Variants in TMEM248 observed in about 807,000 individuals in gnomAD.
The protein encoded by TMEM248 is transmembrane protein 248.
Under a neutral mutation model 30.3 loss-of-function variants are expected in TMEM248, and 9 were observed. That is an observed-to-expected ratio of 0.30 (90% CI 0.18 to 0.52). The LOEUF (loss-of-function observed/expected upper bound fraction) is 0.52, where lower values mean the gene tolerates loss of function less well. TMEM248 is among the 20% of genes least tolerant of loss of function. The probability of loss-of-function intolerance (pLI) is 0.97; values close to 1 mark genes in which losing one functional copy is unlikely to be tolerated. For synonymous variants in TMEM248, 184 were observed against 154.4 expected (o/e 1.19, Z -1.42); for missense variants, 338 against 403.3 (o/e 0.84, Z 1.39).
intron 1 of TMEM248, 141 bp from the exon 2 acceptor site, chr7:66,941,707 T>C: frequency 1.5e-6 from 1 of 655,170 alleles, no homozygotes; most frequent in Middle Eastern, 3.6e-4. Flanking sequence ...TTGAATGAAG[T>C]TATGATCCGA....
At chr7:66,944,084 C>G (rs58621969) in intron 2 of TMEM248, among the ~76,000 whole-genome samples, 5 of 148,966 alleles carry the variant, frequency 3.4e-5, no homozygotes, top group African/African-American at 9.9e-5. Flanking sequence ...CGTGAACTAC[C>G]GTACCTGGCC....
rs992718651 is a variant in TMEM248, at chr7:66,945,171, A to G, written c.355A>G (p.Thr119Ala). ...PVNISVSITLTLDPLKPFGGY... is the reference protein window; with the variant it reads ...PVNISVSITLALDPLKPFGGY... ...GAATATCTCAGTCTCAATCACCCTA[A>G]CCCTGGACCCACTGAAACCCTTCGG... Residue 119 changes from threonine (T) to alanine (A), a missense_variant, in exon 3 of 7, where the codon ACC (threonine) becomes GCC (alanine). By Grantham distance (58) the Thr-to-Ala change is moderately conservative. Coordinates refer to ENST00000341567, the MANE Select transcript of TMEM248 (RefSeq NM_017994.5). 6.2e-7 allele frequency: 1 copy of G among 1,613,966 alleles called. No homozygotes were observed. Among genetic ancestry groups the G allele is most frequent in the Non-Finnish European group, 8.5e-7 (1 of 1,179,996 alleles).
chr7:66,928,560 T>G (rs1791582660), intron 1 of TMEM248, among the ~76,000 whole-genome samples: 2 of 152,180 alleles, frequency 1.3e-5, no homozygotes, highest in South Asian at 2.1e-4. Context: ...TTAAAAAATA[T>G]GTTAAGCGCT....
chr7:66,946,517 C>T (rs549531723), intron 3 of TMEM248, among the ~76,000 whole-genome samples: 1 of 150,622 alleles, frequency 6.6e-6, no homozygotes, highest in African/African-American at 2.4e-5. Context: ...GAGGCGGAGG[C>T]TGCAGTGAGC....
chr7:66,947,437 C>G (rs1351961504), intron 3 of TMEM248, among the ~76,000 whole-genome samples: 1 of 152,096 alleles, frequency 6.6e-6, no homozygotes, highest in Non-Finnish European at 1.5e-5. Context: ...GAGTCTCACT[C>G]TGTCGCCCAG....
At chr7:66,955,418 G>T in intron 6 of TMEM248, 84 bp from the exon 7 acceptor site, 2 of 1,493,480 alleles carry the variant, frequency 1.3e-6, no homozygotes, top group South Asian at 1.1e-5. Context: ...TGTGCAATTA[G>T]TGTGGCATCC....
intron 1 of TMEM248, among the ~76,000 whole-genome samples, chr7:66,934,564 G>A (rs1264874115): frequency 1.3e-5 from 2 of 152,030 alleles, no homozygotes; most frequent in Non-Finnish European, 2.9e-5. Flanking sequence ...AATTAAATTG[G>A]CTTATGTTGA....
At position 66,921,304 on chromosome 7, in the gene TMEM248, C is replaced by T. The variant is rs1242750611; in HGVS notation, c.-176C>T. The T allele has an allele frequency of 6.6e-6, 1 of 151,194 alleles. No individual in the cohort carries two copies. The highest frequency in any genetic ancestry group is 2.4e-5 in the African/African-American group (1 of 41,318). 9.4% of individuals were successfully genotyped at this position (151,194 alleles called of 1,614,324 possible). Reference sequence around the variant, plus strand: ...TGGCGTCTGGTCTTCGCGTCGGCCCCGCGGAGCCAGACGCTGCCCCCGGCG... The same window carrying T: ...TGGCGTCTGGTCTTCGCGTCGGCCCTGCGGAGCCAGACGCTGCCCCCGGCG... On this transcript the variant is annotated 5_prime_UTR_variant, in exon 1 of 7. Coordinates refer to ENST00000341567, the MANE Select transcript of TMEM248 (RefSeq NM_017994.5).
At chr7:66,947,214 C>CAAAAAAAAA (rs565294304) in intron 3 of TMEM248, among the ~76,000 whole-genome samples, 1 of 58,810 alleles carries the variant, frequency 1.7e-5, no homozygotes, top group African/African-American at 7.1e-5. Flanking sequence ...GACCCTGTCT[C>CAAAAAAAAA]AAAAAAAAAA....
intron 2 of TMEM248, 49 bp downstream of exon 2, chr7:66,942,073 G>A (rs777413417): frequency 1.3e-6 from 2 of 1,582,250 alleles, no homozygotes; most frequent in African/African-American, 1.3e-5. Flanking sequence ...TTGTGCAGTG[G>A]GGCAACACCC....
intron 5 of TMEM248, among the ~76,000 whole-genome samples, chr7:66,951,610 G>T (rs953156383): frequency 7.9e-5 from 12 of 151,294 alleles, no homozygotes; most frequent in African/African-American, 2.4e-4. Flanking sequence ...AGAGGCAAGG[G>T]GAACAAAATA....
At chr7:66,941,518 G>A (rs755915898) in intron 1 of TMEM248, among the ~76,000 whole-genome samples, 1 of 151,208 alleles carries the variant, frequency 6.6e-6, no homozygotes, top group Non-Finnish European at 1.5e-5. Flanking sequence ...TCACGCCACT[G>A]CACTCTAGCC....
chr7:66,946,191 C>T (rs1314377822), intron 3 of TMEM248, among the ~76,000 whole-genome samples: 5 of 151,078 alleles, frequency 3.3e-5, no homozygotes, highest in African/African-American at 7.3e-5. Flanking sequence ...GAACCCAAGA[C>T]GTGGAGGTTG....
chr7:66,947,349 T>C (rs2129225027), intron 3 of TMEM248, among the ~76,000 whole-genome samples: 1 of 152,298 alleles, frequency 6.6e-6, no homozygotes, highest in South Asian at 2.1e-4. Context: ...TTCTGGGTTT[T>C]CCATGTAGCA....
At chr7:66,942,349 G>T (rs1018060559) in intron 2 of TMEM248, among the ~76,000 whole-genome samples, 1 of 152,038 alleles carries the variant, frequency 6.6e-6, no homozygotes, top group Non-Finnish European at 1.5e-5. Flanking sequence ...ATCTCAAATG[G>T]GTTCATTGCT....
chr7:66,931,483 A>G (rs1004009019), intron 1 of TMEM248, among the ~76,000 whole-genome samples: 3 of 151,674 alleles, frequency 2.0e-5, no homozygotes, highest in African/African-American at 7.3e-5. Context: ...TTAAGTTGCA[A>G]AATTACATTT....
intron 1 of TMEM248, among the ~76,000 whole-genome samples, chr7:66,940,462 A>G (rs1323171454): frequency 6.6e-6 from 1 of 152,246 alleles, no homozygotes; most frequent in Non-Finnish European, 1.5e-5. Flanking sequence ...AAGGTCTGCA[A>G]GGCTCTTTGA....
At chr7:66,922,376 T>A (rs971999102) in intron 1 of TMEM248, 1 of 152,352 alleles carries the variant, frequency 6.6e-6, no homozygotes, top group African/African-American at 2.4e-5. Context: ...ATCTCATTTG[T>A]AGATGAGTGT....
At chr7:66,926,046 C>G (rs886879030) in intron 1 of TMEM248, among the ~76,000 whole-genome samples, 21 of 152,160 alleles carry the variant, frequency 1.4e-4, no homozygotes, top group Non-Finnish European at 2.9e-5. Flanking sequence ...TTCTCACCAG[C>G]ATTTGTTTTT....
Sources: gnomAD v4.1 joint callset for allele counts (sites outside exome capture counted in the v4.1 genomes callset) on GRCh38, gnomAD v4.1.1 for gene constraint, MANE v1.5 for transcripts, NCBI Gene and HGNC (gene_info 2026-07-23, HGNC 2026-07-21) for gene names.